The following GALNT10 variants were observed in gnomAD, a reference collection of about 807,000 sequenced individuals.
GALNT10 encodes the protein GalNAc transferase 10.
Under a neutral mutation model 75.0 loss-of-function variants are expected in GALNT10, and 41 were observed. The observed-to-expected ratio is 0.55, with a 90% confidence interval of 0.43 to 0.71. The LOEUF (loss-of-function observed/expected upper bound fraction) is 0.71. GALNT10 is among the 30% of genes least tolerant of loss of function. The pLI, the probability that GALNT10 is intolerant of heterozygous loss-of-function variation, is 0.00. For missense variants in GALNT10, 727 were observed against 818.5 expected (o/e 0.89, Z 1.36); for synonymous variants, 302 against 313.0 (o/e 0.96, Z 0.37).
rs1003628860 is a variant in GALNT10 at position 154,197,268 on chromosome 5, C to T, written c.159+6243C>T. On this transcript the variant is annotated intron_variant, in intron 1 of 11. Coordinates refer to ENST00000297107, the MANE Select transcript of GALNT10 (RefSeq NM_198321.4). ...CTCACAGACGTCCCGAGAACTGTCT[C>T]CCCTGCCCCCATACACACTAAAAGT... Among the ~76,000 whole-genome samples, 4 of 152,176 alleles carry T rather than the reference C, an allele frequency of 2.6e-5. No individual in the cohort carries two copies. In the East Asian group the frequency reaches 7.7e-4, roughly 29 times the overall value.
intron 7 of GALNT10, among the ~76,000 whole-genome samples, chr5:154,393,819 G>A (rs1190690533): frequency 1.3e-5 from 2 of 152,096 alleles, no homozygotes; most frequent in African/African-American, 4.8e-5. Flanking sequence ...CTCCAGCCTG[G>A]GTGATAGAGT....
At chr5:154,317,438 T>A (rs67635985) in intron 3 of GALNT10, among the ~76,000 whole-genome samples, 12,486 of 152,286 alleles carry the variant, frequency 0.082, 557 homozygotes, top group Middle Eastern at 0.18. Flanking sequence ...GAGCTCAGAA[T>A]CCTTTAGGGA....
intron 4 of GALNT10, among the ~76,000 whole-genome samples, chr5:154,374,855 G>C (rs1416315277): frequency 6.6e-6 from 1 of 152,232 alleles, no homozygotes; most frequent in African/African-American, 2.4e-5. Context: ...TGGAGAGGCA[G>C]GAGTATCTGG....
intron 1 of GALNT10, among the ~76,000 whole-genome samples, chr5:154,203,109 C>T (rs757491329): frequency 4.6e-5 from 7 of 152,182 alleles, no homozygotes; most frequent in African/African-American, 7.2e-5. Context: ...CAGTTAAGGG[C>T]GAGGGGAAGC....
chr5:154,384,237 C>T (rs962774946), intron 6 of GALNT10, among the ~76,000 whole-genome samples: 19 of 152,018 alleles, frequency 1.2e-4, no homozygotes, highest in Non-Finnish European at 8.8e-5. Flanking sequence ...TCACTAGCAA[C>T]GTGGGATAGG....
rs929000327 is a variant in GALNT10 at position 154,190,972 on chromosome 5, C to T, written c.106C>T (p.Pro36Ser). The change falls in exon 1 of 12, where the codon CCC (proline) becomes TCC (serine). Residue 36 changes from proline to serine, a missense_variant. Physicochemically the swap from Pro to Ser is moderately conservative, Grantham distance 74. Coordinates refer to ENST00000297107, the MANE Select transcript of GALNT10 (RefSeq NM_198321.4). ...GLWALYRERQ[P>S]DGTPGGSGAA... is the part of the protein sequence containing the mutation. ...TTGGGCGCTGTACCGCGAGCGGCAG[C>T]CCGACGGCACCCCTGGGGGATCGGG... is the stretch of plus-strand genomic sequence containing the variant. The T allele has an allele frequency of 4.0e-6, 6 of 1,506,472 alleles. No individual in the cohort carries two copies. The highest frequency in any genetic ancestry group is 5.3e-6 in the Non-Finnish European group (6 of 1,128,934). The allele number at this position is 1,506,472 out of a possible 1,614,324, so 93.3% of individuals were successfully genotyped here.
intron 4 of GALNT10, among the ~76,000 whole-genome samples, chr5:154,373,119 G>A (rs994895649): frequency 6.6e-6 from 1 of 152,174 alleles, no homozygotes; most frequent in Non-Finnish European, 1.5e-5. Flanking sequence ...ACTGAGCCAG[G>A]ATACAGCCTC....
Position 154,218,635 on chromosome 5 carries a change from A to G in GALNT10, c.159+27610A>G, listed in dbSNP as rs903718336. 3.3e-5 allele frequency among the ~76,000 whole-genome samples: 5 copies of G among 152,098 alleles called. No homozygotes were observed. The East Asian group carries it at 7.7e-4, about 23-fold the overall frequency. On this transcript the variant is annotated intron_variant, in intron 1 of 11. Coordinates refer to ENST00000297107, the MANE Select transcript of GALNT10 (RefSeq NM_198321.4). The stretch of plus-strand genomic sequence containing the variant: ...GTTTCTCTTCTGAGCCATTTCTAGA[A>G]CCTTCTTGCTTTTTGTTAATACGTT...
chr5:154,362,262 C>T (rs756190980), intron 4 of GALNT10, among the ~76,000 whole-genome samples: 7 of 152,212 alleles, frequency 4.6e-5, no homozygotes, highest in Non-Finnish European at 8.8e-5. Flanking sequence ...CATCGAGCAG[C>T]TCATACATAA....
intron 1 of GALNT10, among the ~76,000 whole-genome samples, chr5:154,254,082 G>A (rs1261520606): frequency 4.6e-5 from 7 of 152,020 alleles, no homozygotes; most frequent in Non-Finnish European, 7.4e-5. Flanking sequence ...TTTTTGTTAT[G>A]CTCTCAGGAC....
At chr5:154,246,398 T>C (rs892339824) in intron 1 of GALNT10, among the ~76,000 whole-genome samples, 28 of 152,232 alleles carry the variant, frequency 1.8e-4, no homozygotes, top group African/African-American at 6.8e-4. Context: ...TCTTCCACAA[T>C]GGTTGAACTA....
At chr5:154,284,249 G>A (rs1484512165) in intron 1 of GALNT10, among the ~76,000 whole-genome samples, 8 of 152,260 alleles carry the variant, frequency 5.3e-5, no homozygotes, top group South Asian at 2.1e-4. Flanking sequence ...TGAAAATAGC[G>A]TAACTTGCCC....
chr5:154,318,623 C>A (rs889030), intron 3 of GALNT10, among the ~76,000 whole-genome samples: 109,372 of 152,114 alleles, frequency 0.72, 39,906 homozygotes, highest in Admixed American at 0.83. Context: ...ATATTAAGTG[C>A]CTACAGCACT....
intron 4 of GALNT10, among the ~76,000 whole-genome samples, chr5:154,367,604 C>T (rs371600751): frequency 1.4e-4 from 21 of 152,140 alleles, no homozygotes; most frequent in African/African-American, 5.1e-4. Context: ...CCTGTAATCC[C>T]AGCACTTTGG....
intron 3 of GALNT10, among the ~76,000 whole-genome samples, chr5:154,324,153 C>T (rs1023630332): frequency 6.6e-6 from 1 of 152,200 alleles, no homozygotes; most frequent in African/African-American, 2.4e-5. Context: ...TTGTGTGTAA[C>T]ATGGGGAAGG....
At chr5:154,242,379 C>T (rs1753350494) in intron 1 of GALNT10, among the ~76,000 whole-genome samples, 1 of 152,096 alleles carries the variant, frequency 6.6e-6, no homozygotes, top group African/African-American at 2.4e-5. Flanking sequence ...TCTAGGGTGA[C>T]TGTTATGGTT....
At chr5:154,327,871 G>A (rs548344106) in intron 3 of GALNT10, among the ~76,000 whole-genome samples, 1 of 152,268 alleles carries the variant, frequency 6.6e-6, no homozygotes, top group Admixed American at 6.5e-5. Context: ...TCTCCTAAGG[G>A]ATCCCTGTAC....
At chr5:154,353,643 C>T (rs777485975) in intron 4 of GALNT10, among the ~76,000 whole-genome samples, 15 of 152,342 alleles carry the variant, frequency 9.8e-5, no homozygotes, top group Non-Finnish European at 1.8e-4. Context: ...AAGACATGGG[C>T]CCTGCCCTGA....
chr5:154,200,446 G>GGT (rs556589540), intron 1 of GALNT10, among the ~76,000 whole-genome samples: 180 of 152,226 alleles, frequency 1.2e-3, no homozygotes, highest in Non-Finnish European at 1.9e-3. Context: ...ATCTGGCAGG[G>GGT]GTGTGTGTGT....
Sources: allele counts gnomAD v4.1 joint callset (sites outside exome capture counted in the v4.1 genomes callset), GRCh38; gene constraint gnomAD v4.1.1; transcripts MANE v1.5; gene names NCBI Gene and HGNC (gene_info 2026-07-23, HGNC 2026-07-21).